Variants in PARVA observed in about 807,000 individuals in gnomAD.
The protein encoded by PARVA is alpha-parvin.
A neutral mutation model predicts 52.6 loss-of-function variants in PARVA; 25 were observed. The ratio of observed to expected loss-of-function variants is 0.48; its 90% confidence interval spans 0.35 to 0.66. The LOEUF (loss-of-function observed/expected upper bound fraction) is 0.66, where lower values mean the gene tolerates loss of function less well. PARVA is among the 30% of genes least tolerant of loss of function. The pLI is 0.01. For synonymous variants in PARVA, 185 were observed against 179.1 expected (o/e 1.03, Z -0.26); for missense variants, 373 against 450.9 (o/e 0.83, Z 1.56).
chr11:12,497,885 G>A lies in PARVA; in HGVS notation c.541+1287G>A, dbSNP rs188170038. ...TTAGAGAAGTCCTCTAATGAAGACTGCTGTTTAGTTTGGTTTGATCCTATC... is the reference window on the plus strand; with the variant it reads ...TTAGAGAAGTCCTCTAATGAAGACTACTGTTTAGTTTGGTTTGATCCTATC... On this transcript the variant is annotated intron_variant, in intron 5 of 12. Coordinates refer to ENST00000334956, the MANE Select transcript of PARVA (RefSeq NM_018222.5). Among the ~76,000 whole-genome samples, 152 of 152,262 alleles carry A rather than the reference G, an allele frequency of 1.0e-3. 3 individuals carry two copies. Among genetic ancestry groups the A allele is most frequent in the Admixed American group, 7.5e-3 (114 of 15,296 alleles).
At chr11:12,465,243 G>A (rs946447663) in intron 1 of PARVA, among the ~76,000 whole-genome samples, 3 of 152,138 alleles carry the variant, frequency 2.0e-5, no homozygotes, top group Admixed American at 1.3e-4. Context: ...AGAAGAGGAA[G>A]AGAGATGTGA....
At chr11:12,478,096 T>A (rs1217574244) in intron 4 of PARVA, 147 bp downstream of exon 4, 2 of 722,080 alleles carry the variant, frequency 2.8e-6, no homozygotes, top group Non-Finnish European at 5.1e-6. Flanking sequence ...AACAGCTCAG[T>A]GAAGGCTTTA....
chr11:12,524,362 A>G (rs1052923052), intron 12 of PARVA, among the ~76,000 whole-genome samples: 1 of 152,208 alleles, frequency 6.6e-6, no homozygotes, highest in South Asian at 2.1e-4. Flanking sequence ...AACTTCTGTG[A>G]ACATAAAAAT....
rs1029230648 is a variant in PARVA at position 12,529,330 on chromosome 11, G to A, written c.*1405G>A. ...CCTGTAAGAATAGGGAAGGGCGGAG[G>A]GGGGTGGGCAGTGACTAGGGGACGA... is the stretch of plus-strand genomic sequence containing the variant. On this transcript the variant is annotated 3_prime_UTR_variant, in exon 13 of 13. Transcript: ENST00000334956. 6.6e-6 allele frequency: 1 copy of A among 152,112 alleles called. No homozygotes were observed. The highest frequency in any genetic ancestry group is 2.1e-4 in the South Asian group (1 of 4,820). 9.4% of individuals were successfully genotyped at this position (152,112 alleles called of 1,614,324 possible).
chr11:12,448,803 C>T (rs1268974254), intron 1 of PARVA, among the ~76,000 whole-genome samples: 1 of 152,192 alleles, frequency 6.6e-6, no homozygotes, highest in Non-Finnish European at 1.5e-5. Flanking sequence ...AGCAGACTCA[C>T]TACTACTTGG....
At chr11:12,483,043 T>C (rs1941109450) in intron 4 of PARVA, among the ~76,000 whole-genome samples, 1 of 152,230 alleles carries the variant, frequency 6.6e-6, no homozygotes, top group Non-Finnish European at 1.5e-5. Flanking sequence ...GTGAGCTCAA[T>C]GGGGAGCAAT....
At chr11:12,387,943 C>T (rs1292408091) in intron 1 of PARVA, among the ~76,000 whole-genome samples, 1 of 152,154 alleles carries the variant, frequency 6.6e-6, no homozygotes, top group Non-Finnish European at 1.5e-5. Context: ...GACCAAAACT[C>T]TATAGGAGAG....
chr11:12,472,525 A>G (rs766845541), intron 1 of PARVA, among the ~76,000 whole-genome samples: 2 of 152,166 alleles, frequency 1.3e-5, no homozygotes, highest in Non-Finnish European at 2.9e-5. Context: ...TGTGTCTCTT[A>G]GGGCGTAGAG....
chr11:12,463,094 G>A (rs1049733663), intron 1 of PARVA, among the ~76,000 whole-genome samples: 1 of 151,728 alleles, frequency 6.6e-6, no homozygotes, highest in African/African-American at 2.4e-5. Flanking sequence ...AGGGAGTACA[G>A]AGTTTTCGTA....
chr11:12,454,516 C>T (rs904599409), intron 1 of PARVA, among the ~76,000 whole-genome samples: 1 of 149,964 alleles, frequency 6.7e-6, no homozygotes, highest in Admixed American at 6.6e-5. Flanking sequence ...CCTTATGTTA[C>T]AAAACAAGCC....
In PARVA at chr11:12,461,185, T is replaced by A. The variant is rs77342127; in HGVS notation, c.137-12560T>A. 3.1e-3 allele frequency among the ~76,000 whole-genome samples: 470 copies of A among 152,284 alleles called. 1 individual carries two copies. Among genetic ancestry groups the A allele is most frequent in the Middle Eastern group, 0.017 (5 of 294 alleles). On this transcript the variant is annotated intron_variant, in intron 1 of 12. Coordinates refer to ENST00000334956, the MANE Select transcript of PARVA (RefSeq NM_018222.5). ...CTTTGTATTCATAGCTCCTGACCCA[T>A]CTCCTAGCACCAGAGATGCCCATAC...
In PARVA at chr11:12,391,992, T is replaced by C. The variant is rs1157050163; in HGVS notation, c.136+14209T>C. 2.0e-5 allele frequency among the ~76,000 whole-genome samples: 3 copies of C among 152,270 alleles called. No individual in the cohort carries two copies. In the East Asian group the frequency reaches 5.8e-4, roughly 29 times the overall value. On this transcript the variant is annotated intron_variant, in intron 1 of 12. Transcript: ENST00000334956. ...TTCATCATCCTGAAAAGCAACCCTG[T>C]ACCCATTAGCAGTCACTCCTCCTCC...
In PARVA at chr11:12,484,967, C is replaced by A. The variant is rs116557802; in HGVS notation, c.400+7018C>A. Among the ~76,000 whole-genome samples, 690 of 152,088 alleles carry A rather than the reference C, an allele frequency of 4.5e-3. 9 individuals are homozygous for A. The highest frequency in any genetic ancestry group is 0.016 in the African/African-American group (662 of 41,478). ...TAGCTGGGATCACAGGTGTGTGCCA[C>A]CACACCCAACTAATTTTTGTGTGTT... On this transcript the variant is annotated intron_variant, in intron 4 of 12. Coordinates refer to ENST00000334956, the MANE Select transcript of PARVA (RefSeq NM_018222.5).
rs1190617070 is a variant in PARVA, at chr11:12,528,890, C to T, written c.*965C>T. The T allele has an allele frequency of 6.6e-6, 1 of 152,624 alleles. No individual in the cohort carries two copies. The highest frequency in any genetic ancestry group is 1.5e-5 in the Non-Finnish European group (1 of 68,046). 9.5% of individuals were successfully genotyped at this position (152,624 alleles called of 1,614,324 possible). Reference sequence around the variant, plus strand: ...ATTTTGTTTAGAATTAATGGAGTGGCACATTTTGCAGCCTTTTTGCTTGAT... The same window carrying T: ...ATTTTGTTTAGAATTAATGGAGTGGTACATTTTGCAGCCTTTTTGCTTGAT... On this transcript the variant is annotated 3_prime_UTR_variant, in exon 13 of 13. Coordinates refer to ENST00000334956, the MANE Select transcript of PARVA (RefSeq NM_018222.5).
At chr11:12,492,568 T>C (rs1941246619) in intron 4 of PARVA, among the ~76,000 whole-genome samples, 1 of 152,286 alleles carries the variant, frequency 6.6e-6, no homozygotes, top group South Asian at 2.1e-4. Context: ...TTTTAAGGGT[T>C]GAATACCTTA....
At chr11:12,459,347 G>A (rs1455162845) in intron 1 of PARVA, among the ~76,000 whole-genome samples, 1 of 152,038 alleles carries the variant, frequency 6.6e-6, no homozygotes, top group African/African-American at 2.4e-5. Flanking sequence ...CAAGGCTGCA[G>A]TGAGCTGTGA....
chr11:12,435,625 G>A lies in PARVA; in HGVS notation c.137-38120G>A, dbSNP rs1368785266. On this transcript the variant is annotated intron_variant, in intron 1 of 12. Transcript: ENST00000334956. ...CATAGGTCATAAGGAATGATGAGTG[G>A]GTGGTTCCTAAACTCTGGAGAAGAG... is the stretch of plus-strand genomic sequence containing the variant. Among the ~76,000 whole-genome samples the A allele has an allele frequency of 2.6e-5, 4 of 152,154 alleles. No individual in the cohort carries two copies. In the East Asian group the frequency reaches 5.8e-4, roughly 22 times the overall value.
intron 1 of PARVA, among the ~76,000 whole-genome samples, chr11:12,450,725 C>T (rs1254182222): frequency 6.6e-6 from 1 of 152,196 alleles, no homozygotes; most frequent in African/African-American, 2.4e-5. Context: ...CTGAGAGCCC[C>T]TGGCAAACCA....
rs554400220 is a variant in PARVA at position 12,430,139 on chromosome 11, C to A, written c.137-43606C>A. Among the ~76,000 whole-genome samples, 8 of 152,236 alleles carry A rather than the reference C, an allele frequency of 5.3e-5. No individual in the cohort carries two copies. In the South Asian group the frequency reaches 1.5e-3, roughly 28 times the overall value. On this transcript the variant is annotated intron_variant, in intron 1 of 12. Coordinates refer to ENST00000334956, the MANE Select transcript of PARVA (RefSeq NM_018222.5). Reference sequence around the variant, plus strand: ...TTGATTTCCAAGAAGTAAATACCCCCACTAGGGCCAATTTTGTGGTATCCC... The same window carrying A: ...TTGATTTCCAAGAAGTAAATACCCCAACTAGGGCCAATTTTGTGGTATCCC...
Sources: gnomAD v4.1 joint callset for allele counts (sites outside exome capture counted in the v4.1 genomes callset) on GRCh38, gnomAD v4.1.1 for gene constraint, MANE v1.5 for transcripts, NCBI Gene and HGNC (gene_info 2026-07-23, HGNC 2026-07-21) for gene names.